LY6H: variants seen among roughly 807,000 people sequenced by gnomAD.
The protein encoded by LY6H is lymphocyte antigen 6H.
In LY6H, 8 loss-of-function variants were observed where a neutral mutation model predicts 14.6. The ratio of observed to expected loss-of-function variants is 0.55; its 90% CI spans 0.32 to 0.99. The LOEUF is 0.99. Among genes scored for constraint, LY6H ranks in the 50% least tolerant of loss-of-function variants. The pLI, the probability that LY6H is intolerant of heterozygous loss-of-function variation, is 0.04. For synonymous variants in LY6H, 115 were observed against 97.2 expected, an observed-to-expected ratio of 1.18 and a Z score of -1.08; for missense variants, 196 against 219.6, an observed-to-expected ratio of 0.89 and a Z score of 0.68.
In LY6H at chr8:143,158,108, G is replaced by A. The variant is rs987485126; in HGVS notation, c.*142C>T. The A allele has an allele frequency of 1.1e-4, 69 of 611,004 alleles. No homozygotes were observed. The South Asian group carries it at 1.2e-3, about 11-fold the overall frequency. 37.8% of individuals were successfully genotyped at this position (611,004 alleles called of 1,614,324 possible). On this transcript the variant is annotated 3_prime_UTR_variant, in exon 4 of 4. Transcript: ENST00000342752. ...TGGCGGAGAGACAGGGAGGCTTCAC[G>A]TCGGGGGAGGAGTGAGAGCCACAGG...
intron 2 of LY6H, 99 bp downstream of exon 2, chr8:143,159,483 G>C (rs1317369868): frequency 7.5e-7 from 1 of 1,337,572 alleles, no homozygotes; most frequent in Non-Finnish European, 9.7e-7. Flanking sequence ...TGCGAAGTGC[G>C]GTGGGAACCG....
At chr8:143,159,950 G>T in intron 1 of LY6H, 1 of 1,239,018 alleles carries the variant, frequency 8.1e-7, no homozygotes, top group Non-Finnish European at 1.0e-6. Context: ...GTGGGGGAGC[G>T]GATGGGGGGC....
At chr8:143,159,732 A>G in intron 1 of LY6H, 23 bp from the exon 2 acceptor site, 2 of 1,353,552 alleles carry the variant, frequency 1.5e-6, no homozygotes, top group Non-Finnish European at 1.9e-6. Context: ...AGCATCGGTC[A>G]GGAGACCCCA....
At position 143,160,239 on chromosome 8, in the gene LY6H, G is replaced by T; in HGVS notation, c.-40C>A. ...CACTCCGGGCTCGGGCGGCGTGCGC[G>T]GCGCGGGGAGCTGTGCCCTTCGGTC... is the stretch of plus-strand genomic sequence containing the variant. On this transcript the variant is annotated 5_prime_UTR_variant, in exon 1 of 4. Coordinates refer to ENST00000342752, the MANE Select transcript of LY6H (RefSeq NM_001135655.2). 1 of 1,278,386 alleles carries T rather than the reference G, an allele frequency of 7.8e-7. No homozygotes were observed. The highest frequency in any genetic ancestry group is 2.9e-5 in the East Asian group (1 of 34,802). The allele number at this position is 1,278,386 out of a possible 1,614,324, so 79.2% of individuals were successfully genotyped here. A position where few individuals can be genotyped will look rare whatever the true frequency, so the allele number is the denominator to read the frequency against.
intron 2 of LY6H, chr8:143,159,149 T>G (rs1586673893): frequency 1.6e-6 from 1 of 617,614 alleles, no homozygotes; most frequent in African/African-American, 1.8e-5. Flanking sequence ...CTGGCCCCCA[T>G]GCACGTGCGT....
At chr8:143,159,111 GT>G in intron 2 of LY6H, 189 bp from the exon 3 acceptor site, 1 of 757,988 alleles carries the variant, frequency 1.3e-6, no homozygotes. Context: ...CATCCTGGCA[GT>G]TTGAGGGGAG....
chr8:143,159,200 C>T, intron 2 of LY6H: 1 of 579,218 alleles, frequency 1.7e-6, no homozygotes, highest in Non-Finnish European at 3.1e-6. Context: ...TATACAGACC[C>T]CACACCGACA....
chr8:143,158,832 G>A lies in LY6H; in HGVS notation c.221C>T (p.Ala74Val). The A allele has an allele frequency of 1.2e-6, 2 of 1,603,348 alleles. No homozygotes were observed. Among genetic ancestry groups the A allele is most frequent in the Non-Finnish European group, 8.5e-7 (1 of 1,172,284 alleles). Residue 74 changes from alanine (A) to valine (V), a missense_variant, in exon 3 of 4, where the codon GCC (alanine) becomes GTC (valine). By Grantham distance (64) the Ala-to-Val change is moderately conservative. Transcript: ENST00000342752. ...KQCQPSDTVC[A>V]SVRITDPSSS... ...GCTGGGATCGGTGATTCGGACACTGGCACACACCGTGTCGGACGGCTGGCA... is the reference window on the plus strand; with the variant it reads ...GCTGGGATCGGTGATTCGGACACTGACACACACCGTGTCGGACGGCTGGCA...
intron 2 of LY6H, 45 bp from the exon 3 acceptor site, chr8:143,158,967 C>A (rs760460719): frequency 6.2e-7 from 1 of 1,600,422 alleles, no homozygotes; most frequent in South Asian, 1.1e-5. Context: ...CACTGGGGTC[C>A]AAACCAGGCA....
chr8:143,160,207 G>T lies in LY6H; in HGVS notation c.-8C>A, dbSNP rs745560437. On this transcript the variant is annotated 5_prime_UTR_variant, in exon 1 of 4. Transcript: ENST00000342752. Reference sequence around the variant, plus strand: ...CGGGGGGCTCACTCACATCCCGGGGGTGTCCGCACTCCGGGCTCGGGCGGC... The same window carrying T: ...CGGGGGGCTCACTCACATCCCGGGGTTGTCCGCACTCCGGGCTCGGGCGGC... The T allele has an allele frequency of 2.3e-6, 3 of 1,285,656 alleles. No individual in the cohort carries two copies. The highest frequency in any genetic ancestry group is 2.8e-5 in the East Asian group (1 of 35,206). 79.6% of individuals were successfully genotyped at this position (1,285,656 alleles called of 1,614,324 possible). A position where few individuals can be genotyped will look rare whatever the true frequency, so the allele number is the denominator to read the frequency against.
Position 143,157,939 on chromosome 8 carries a change from T to A in LY6H, c.*311A>T. 1 of 389,934 alleles carries A rather than the reference T, an allele frequency of 2.6e-6. No individual in the cohort carries two copies. The highest frequency in any genetic ancestry group is 4.6e-6 in the Non-Finnish European group (1 of 219,696). 24.2% of individuals were successfully genotyped at this position (389,934 alleles called of 1,614,324 possible). ...TCTCAGGACTCAAAAGTGACTTTAT[T>A]TCTCCGCAGAAGACGCCCTTCCAGC... On this transcript the variant is annotated 3_prime_UTR_variant, in exon 4 of 4. Coordinates refer to ENST00000342752, the MANE Select transcript of LY6H (RefSeq NM_001135655.2).
chr8:143,158,793 C>A lies in LY6H; in HGVS notation c.250+10G>T. 1 of 1,575,950 alleles carries A rather than the reference C, an allele frequency of 6.3e-7. No homozygotes were observed. The highest frequency in any genetic ancestry group is 8.6e-7 in the Non-Finnish European group (1 of 1,156,236). ...TAGCACATTCCCCACCACCCTAAGT[C>A]CCAACTTACTGCTGCTGGGATCGGT... On this transcript the variant is annotated intron_variant, in intron 3 of 3. Coordinates refer to ENST00000342752, the MANE Select transcript of LY6H (RefSeq NM_001135655.2).
At chr8:143,159,400 A>C (rs1227910935) in intron 2 of LY6H, 182 bp downstream of exon 2, 1 of 655,520 alleles carries the variant, frequency 1.5e-6, no homozygotes, top group Admixed American at 3.7e-5. Context: ...CGCTGGAGAG[A>C]GCCCAGTGCC....
chr8:143,158,372 C>A lies in LY6H; in HGVS notation c.364G>T (p.Asp122Tyr), dbSNP rs760303734. ...AAATCCTTCTCGCAGCAGTCCACGT[C>A]GACCTTTAAGATCCCAGAGTTAATA... ...GFINSGILKV[D>Y]VDCCEKDLCN... Residue 122 changes from aspartate (D) to tyrosine (Y), a missense_variant, in exon 4 of 4, where the codon GAC (aspartate) becomes TAC (tyrosine). Asp to Tyr is a radical substitution (Grantham distance 160). Transcript: ENST00000342752. 5 of 1,613,902 alleles carry A rather than the reference C, an allele frequency of 3.1e-6. No individual in the cohort carries two copies. Among genetic ancestry groups the A allele is most frequent in the Non-Finnish European group, 4.2e-6 (5 of 1,179,946 alleles).
At chr8:143,158,579 C>A in intron 3 of LY6H, 94 bp from the exon 4 acceptor site, 1 of 1,285,056 alleles carries the variant, frequency 7.8e-7, no homozygotes, top group South Asian at 1.3e-5. Context: ...CGGGTCAGCT[C>A]GGGGCCCCAG....
At position 143,158,039 on chromosome 8, in the gene LY6H, T is replaced by C. The variant is rs2130619613; in HGVS notation, c.*211A>G. On this transcript the variant is annotated 3_prime_UTR_variant, in exon 4 of 4. Transcript: ENST00000342752. ...CTCATCCCCAGGCCTCCTGCCCAGA[T>C]GGCCTGGTTTCCTGGAGATGTCCAG... 1.8e-6 allele frequency: 1 copy of C among 550,092 alleles called. No individual in the cohort carries two copies. The highest frequency in any genetic ancestry group is 1.9e-5 in the African/African-American group (1 of 52,448). The allele number at this position is 550,092 out of a possible 1,614,324, so 34.1% of individuals were successfully genotyped here.
upstream of LY6H, chr8:143,160,327 C>A: frequency 1.3e-6 from 1 of 766,696 alleles, no homozygotes; most frequent in Non-Finnish European, 1.7e-6. Context: ...CAGACGCGGA[C>A]CCCGCGCGAG....
chr8:143,159,133 C>T, intron 2 of LY6H: 2 of 646,222 alleles, frequency 3.1e-6, no homozygotes, highest in South Asian at 1.8e-5. Flanking sequence ...CCCCTATGGC[C>T]CCTCCCTGGC....
intron 2 of LY6H, 128 bp downstream of exon 2, chr8:143,159,454 G>A: frequency 8.7e-7 from 1 of 1,149,618 alleles, no homozygotes; most frequent in Non-Finnish European, 1.2e-6. Flanking sequence ...CAGGGGTCCC[G>A]GAGGGGGCGT....
Sources: allele counts gnomAD v4.1 joint callset, GRCh38; gene constraint gnomAD v4.1.1; transcripts MANE v1.5; gene names NCBI Gene and HGNC (gene_info 2026-07-23, HGNC 2026-07-21).